Variants in MIPOL1 observed in about 807,000 individuals in gnomAD.
MIPOL1 encodes the protein mirror-image polydactyly gene 1 protein.
Under a neutral mutation model 60.9 loss-of-function variants are expected in MIPOL1, and 57 were observed. The ratio of observed to expected loss-of-function variants is 0.94; its 90% CI spans 0.76 to 1.17. The LOEUF is 1.17. Ranked by LOEUF, MIPOL1 falls within the 50% of genes most tolerant of loss-of-function variation. The pLI, the probability that MIPOL1 is intolerant of heterozygous loss-of-function variation, is 0.00. For synonymous variants in MIPOL1, 179 were observed against 168.8 expected (o/e 1.06, Z -0.47); for missense variants, 551 against 511.6 (o/e 1.08, Z -0.74).
intron 12 of MIPOL1, chr14:37,505,768 GAGAA>G (rs2095269680): frequency 6.6e-6 from 1 of 152,184 alleles, no homozygotes; most frequent in South Asian, 2.1e-4. Context: ...AATCAGGCAA[GAGAA>G]AGAAATAAAG....
intron 9 of MIPOL1, among the ~76,000 whole-genome samples, chr14:37,343,126 G>A (rs1200929136): frequency 1.3e-5 from 2 of 151,488 alleles, no homozygotes; most frequent in Non-Finnish European, 2.9e-5. Flanking sequence ...TATATATAAA[G>A]TATAAATATA....
At chr14:37,451,041 CATA>C (rs1194322044) in intron 11 of MIPOL1, among the ~76,000 whole-genome samples, 5 of 152,186 alleles carry the variant, frequency 3.3e-5, no homozygotes, top group East Asian at 3.9e-4. Context: ...TTAATGCAGT[CATA>C]ATATTATAGT....
At chr14:37,478,204 G>A (rs1266370686) in intron 11 of MIPOL1, among the ~76,000 whole-genome samples, 1 of 151,984 alleles carries the variant, frequency 6.6e-6, no homozygotes, top group African/African-American at 2.4e-5. Context: ...TAAAAATGAA[G>A]ACCTCAATCA....
At chr14:37,260,622 TA>T (rs1267713105) in intron 3 of MIPOL1, among the ~76,000 whole-genome samples, 1 of 152,158 alleles carries the variant, frequency 6.6e-6, no homozygotes, top group Non-Finnish European at 1.5e-5. Flanking sequence ...AGAAACAATC[TA>T]AAAGTATGTT....
chr14:37,462,769 C>T (rs1235998404), intron 11 of MIPOL1, among the ~76,000 whole-genome samples: 1 of 152,170 alleles, frequency 6.6e-6, no homozygotes, highest in Non-Finnish European at 1.5e-5. Flanking sequence ...GACCTTTTCT[C>T]CAGTTCCCAA....
intron 9 of MIPOL1, among the ~76,000 whole-genome samples, chr14:37,330,624 G>A (rs1191882152): frequency 3.3e-5 from 5 of 151,894 alleles, no homozygotes; most frequent in South Asian, 4.1e-4. Context: ...TTGAGAAGCC[G>A]TGGGTGTAAT....
intron 1 of MIPOL1, among the ~76,000 whole-genome samples, chr14:37,207,224 C>G (rs1293107757): frequency 6.6e-6 from 1 of 152,132 alleles, no homozygotes; most frequent in Non-Finnish European, 1.5e-5. Context: ...ATACTGTTCT[C>G]CTGGTAGTGA....
chr14:37,328,065 T>A lies in MIPOL1; in HGVS notation c.828+19546T>A, dbSNP rs570559149. Among the ~76,000 whole-genome samples, 3 of 152,136 alleles carry A rather than the reference T, an allele frequency of 2.0e-5. No individual in the cohort carries two copies. The South Asian group carries it at 6.2e-4, about 32-fold the overall frequency. On this transcript the variant is annotated intron_variant, in intron 9 of 12. Transcript: ENST00000684589. ...TTCGCTCTTGTTGCCCAGGCTGGAG[T>A]GCAATGATGCAATCTCTGCTCACTG...
At chr14:37,546,810 G>A in intron 12 of MIPOL1, 95 bp from the exon 13 acceptor site, 1 of 964,702 alleles carries the variant, frequency 1.0e-6, no homozygotes, top group South Asian at 1.4e-5. Flanking sequence ...GGACTGCTTG[G>A]TCACAGGCAA....
rs1357040820 is a variant in MIPOL1, at chr14:37,348,801, C to T, written c.829-20716C>T. 2.0e-5 allele frequency among the ~76,000 whole-genome samples: 3 copies of T among 147,924 alleles called. 1 individual carries two copies. In the Admixed American group the frequency reaches 2.1e-4, roughly 10 times the overall value. ...TGCATCTTCCTTCTCCTTCCCTTCCCTTAGTCTATTCTTTTTTCCTTTTTT... is the reference window on the plus strand; with the variant it reads ...TGCATCTTCCTTCTCCTTCCCTTCCTTTAGTCTATTCTTTTTTCCTTTTTT... On this transcript the variant is annotated intron_variant, in intron 9 of 12. Transcript: ENST00000684589.
chr14:37,356,543 G>C (rs1407680425), intron 9 of MIPOL1, among the ~76,000 whole-genome samples: 1 of 152,168 alleles, frequency 6.6e-6, no homozygotes, highest in African/African-American at 2.4e-5. Flanking sequence ...AGACTGCTGT[G>C]CTAGCAATCA....
At chr14:37,475,934 A>G (rs1028854933) in intron 11 of MIPOL1, among the ~76,000 whole-genome samples, 4 of 152,172 alleles carry the variant, frequency 2.6e-5, no homozygotes, top group Non-Finnish European at 5.9e-5. Context: ...AAGCTTTAAA[A>G]ATCAGTTTGT....
At chr14:37,483,287 T>G (rs1274867907) in intron 11 of MIPOL1, among the ~76,000 whole-genome samples, 1 of 151,604 alleles carries the variant, frequency 6.6e-6, no homozygotes, top group African/African-American at 2.4e-5. Flanking sequence ...TAATTTTTTG[T>G]ATTTTTTAGT....
chr14:37,431,569 C>CTTTTTTTTTTTT lies in MIPOL1; in HGVS notation c.1031+8636_1031+8647dup, dbSNP rs869258490. ...CTTGATATTGCTGCCATCTCTGTTT[C>CTTTTTTTTTTTT]TTTTTTTTTTTTTTTTTTTTTTTTT... On this transcript the variant is annotated intron_variant, in intron 11 of 12. Transcript: ENST00000684589. Among the ~76,000 whole-genome samples, 72 of 64,852 alleles carry CTTTTTTTTTTTT rather than the reference C, an allele frequency of 1.1e-3. 15 individuals are homozygous for CTTTTTTTTTTTT. The highest frequency in any genetic ancestry group is 1.7e-3 in the East Asian group (3 of 1,782). The allele number at this position is 64,852 out of a possible 152,430, so 42.5% of individuals were successfully genotyped here.
At chr14:37,218,987 T>C (rs1374118166) in intron 1 of MIPOL1, among the ~76,000 whole-genome samples, 1 of 149,104 alleles carries the variant, frequency 6.7e-6, no homozygotes, top group Non-Finnish European at 1.5e-5. Context: ...GTAAAGGTGG[T>C]AAAAGCAGAT....
Position 37,369,617 on chromosome 14 carries a change from C to T in MIPOL1, c.929C>T (p.Ala310Val), listed in dbSNP as rs2092584172. ...ACTGCTGAAAACAATCAAGAACGTG[C>T]TCTGAAGGTAAATCTCCGTTCCTTC... ...HLTAENNQER[A>V]LKAKLLSMQQ... Residue 310 changes from alanine (A) to valine (V), a missense_variant, in exon 10 of 13, where the codon GCT becomes GTT. Physicochemically the swap from Ala to Val is moderately conservative, Grantham distance 64. Coordinates refer to ENST00000684589, the MANE Select transcript of MIPOL1 (RefSeq NM_001388067.1). 1 of 1,611,894 alleles carries T rather than the reference C, an allele frequency of 6.2e-7. No individual in the cohort carries two copies. Among genetic ancestry groups the T allele is most frequent in the South Asian group, 1.1e-5 (1 of 91,032 alleles).
chr14:37,338,407 G>C (rs1405001789), intron 9 of MIPOL1, among the ~76,000 whole-genome samples: 2 of 37,584 alleles, frequency 5.3e-5, no homozygotes, highest in Non-Finnish European at 1.0e-4. Flanking sequence ...ACCGCGCCTG[G>C]CCCCCCCTTT....
At chr14:37,269,574 T>C (rs1223443651) in intron 5 of MIPOL1, among the ~76,000 whole-genome samples, 2 of 152,162 alleles carry the variant, frequency 1.3e-5, no homozygotes, top group African/African-American at 2.4e-5. Flanking sequence ...TACTTTCATT[T>C]AGCAGTTATT....
At chr14:37,209,867 A>G (rs1171641311) in intron 1 of MIPOL1, among the ~76,000 whole-genome samples, 1 of 151,112 alleles carries the variant, frequency 6.6e-6, no homozygotes, top group East Asian at 2.0e-4. Context: ...ACACCTGGCT[A>G]ATTTTTAACT....
Sources: allele counts gnomAD v4.1 joint callset (sites outside exome capture counted in the v4.1 genomes callset), GRCh38; gene constraint gnomAD v4.1.1; transcripts MANE v1.5; gene names NCBI Gene and HGNC (gene_info 2026-07-23, HGNC 2026-07-21).